The following OR4D9 variants were observed in gnomAD, a reference collection of about 807,000 sequenced individuals.
OR4D9 encodes olfactory receptor family 4 subfamily D member 9.
OR4D9 carries 2 observed loss-of-function variants against 0.8 expected under a neutral mutation model. That is an observed-to-expected ratio of 2.58 (90% CI 1.06 to 8.13). The LOEUF (loss-of-function observed/expected upper bound fraction) is 8.13, where lower values mean the gene tolerates loss of function less well. OR4D9 is among the 30% of genes most tolerant of loss of function. The pLI is 0.04. For synonymous variants in OR4D9, 146 were observed against 151.2 expected (o/e 0.97, Z 0.25); for missense variants, 399 against 384.7 (o/e 1.04, Z -0.31).
At chr11:59,512,300 CTTTT>C (rs71036528) in intron 1 of OR4D9, among the ~76,000 whole-genome samples, 6 of 125,496 alleles carry the variant, frequency 4.8e-5, no homozygotes, top group Non-Finnish European at 9.8e-5. Flanking sequence ...TTTCTTTTTT[CTTTT>C]TTTTTTTTTT....
chr11:59,512,274 C>G (rs554874578), intron 1 of OR4D9, among the ~76,000 whole-genome samples: 4 of 150,734 alleles, frequency 2.7e-5, no homozygotes, highest in Non-Finnish European at 5.9e-5. Context: ...GAAGGGTCCC[C>G]TTTGGGATGA....
chr11:59,518,327 G>T lies in OR4D9; in HGVS notation c.*2470G>T, dbSNP rs1859431012. The T allele has an allele frequency of 6.6e-6, 1 of 152,210 alleles. No individual in the cohort carries two copies. 9.4% of individuals were successfully genotyped at this position (152,210 alleles called of 1,614,324 possible). A position where few individuals can be genotyped will look rare whatever the true frequency, so the allele number is the denominator to read the frequency against. ...CAACAAAAGTTTACTTCTTGCTCAT[G>T]TCACAGGCCAATGCTGGTCTGCAGA... is the stretch of plus-strand genomic sequence containing the variant. On this transcript the variant is annotated 3_prime_UTR_variant, in exon 3 of 3. Transcript: ENST00000641962.
At position 59,515,113 on chromosome 11, in the gene OR4D9, T is replaced by C. The variant is rs775246025; in HGVS notation, c.201T>C (p.Ser67=). 2 of 1,614,060 alleles carry C rather than the reference T, an allele frequency of 1.2e-6. No homozygotes were observed. Among genetic ancestry groups the C allele is most frequent in the African/African-American group, 2.7e-5 (2 of 74,924 alleles). ...TPMYFLLRNL[S]ILDICFSSIT... is the part of the protein sequence containing the mutation. The stretch of plus-strand genomic sequence containing the variant: ...TGTACTTCCTGCTCCGCAACCTGTC[T>C]ATTCTTGACATCTGCTTTTCCTCCA... The change falls in exon 3 of 3, where the codon TCT becomes TCC. Residue 67 remains serine (S), a synonymous_variant. Transcript: ENST00000641962.
In OR4D9 at chr11:59,515,055, C is replaced by T. The variant is rs763533324; in HGVS notation, c.143C>T (p.Thr48Ile). Residue 48 changes from threonine (T) to isoleucine (I), a missense_variant, in exon 3 of 3, where the codon ACA becomes ATA. Physicochemically the swap from Thr to Ile is moderately conservative, Grantham distance 89. Coordinates refer to ENST00000641962, the MANE Select transcript of OR4D9 (RefSeq NM_001004711.2). ...ATGGGAAACTTCCTCATCATGGTTACAGTTACCTGTGAATCTCACCTTCAT... is the reference window on the plus strand; with the variant it reads ...ATGGGAAACTTCCTCATCATGGTTATAGTTACCTGTGAATCTCACCTTCAT... ...TLMGNFLIMV[T>I]VTCESHLHTP... 13 of 1,614,022 alleles carry T rather than the reference C, an allele frequency of 8.1e-6. No individual in the cohort carries two copies. The Admixed American group carries it at 1.2e-4, about 14-fold the overall frequency.
Position 59,515,496 on chromosome 11 carries a change from T to C in OR4D9, c.584T>C (p.Leu195Pro), listed in dbSNP as rs764786904. The C allele has an allele frequency of 6.2e-7, 1 of 1,614,226 alleles. No homozygotes were observed. Among genetic ancestry groups the C allele is most frequent in the South Asian group, 1.1e-5 (1 of 91,078 alleles). The change falls in exon 3 of 3, where the codon CTG becomes CCG. Residue 195 changes from leucine to proline, a missense_variant. Leu to Pro is a moderately conservative substitution (Grantham distance 98). Transcript: ENST00000641962. Reference sequence around the variant, plus strand: ...CTTGCCTGCACTGACACCTTCACTCTGGAGCTCCTGATGATTTCAAATAAT... The same window carrying C: ...CTTGCCTGCACTGACACCTTCACTCCGGAGCTCCTGATGATTTCAAATAAT... ...LKLACTDTFT[L>P]ELLMISNNGL...
Position 59,516,764 on chromosome 11 carries a change from TA to T in OR4D9, c.*908del, listed in dbSNP as rs2134587767. The stretch of plus-strand genomic sequence containing the variant: ...GGGCAACTTAGTGAAACCTCATCTC[TA>T]CAAAAAATCATGATAATAGGCCGGG... On this transcript the variant is annotated 3_prime_UTR_variant, in exon 3 of 3. Transcript: ENST00000641962. 2 of 151,210 alleles carry T rather than the reference TA, an allele frequency of 1.3e-5. No individual in the cohort carries two copies. Among genetic ancestry groups the T allele is most frequent in the South Asian group, 4.2e-4 (2 of 4,756 alleles). The allele number at this position is 151,210 out of a possible 1,614,324, so 9.4% of individuals were successfully genotyped here.
At position 59,515,150 on chromosome 11, in the gene OR4D9, A is replaced by G; in HGVS notation, c.238A>G (p.Lys80Glu). The change falls in exon 3 of 3, where the codon AAG becomes GAG. Residue 80 changes from lysine to glutamate, a missense_variant. Physicochemically the swap from Lys to Glu is moderately conservative, Grantham distance 56. Transcript: ENST00000641962. ...CTGCTTTTCCTCCATCACAGCTCCT[A>G]AGGTCCTGATAGATCTTCTATCAGA... is the stretch of plus-strand genomic sequence containing the variant. ...DICFSSITAP[K>E]VLIDLLSETK... is the part of the protein sequence containing the mutation. 1 of 1,614,050 alleles carries G rather than the reference A, an allele frequency of 6.2e-7. No individual in the cohort carries two copies. Among genetic ancestry groups the G allele is most frequent in the Non-Finnish European group, 8.5e-7 (1 of 1,179,988 alleles).
rs1210580763 is a variant in OR4D9, at chr11:59,519,613, A to G, written c.*3756A>G. The stretch of plus-strand genomic sequence containing the variant: ...AGAAAGCAACTCTCACTTATTCCCA[A>G]ACTTTTCATGGGCTTGTTGTAAACA... On this transcript the variant is annotated 3_prime_UTR_variant, in exon 3 of 3. Transcript: ENST00000641962. 6.6e-6 allele frequency: 1 copy of G among 152,174 alleles called. No homozygotes were observed. Among genetic ancestry groups the G allele is most frequent in the Admixed American group, 6.6e-5 (1 of 15,264 alleles). 9.4% of individuals were successfully genotyped at this position (152,174 alleles called of 1,614,324 possible). A position where few individuals can be genotyped will look rare whatever the true frequency, so the allele number is the denominator to read the frequency against.
In OR4D9 at chr11:59,520,493, G is replaced by A. The variant is rs940383098; in HGVS notation, c.*4636G>A. 2 of 149,802 alleles carry A rather than the reference G, an allele frequency of 1.3e-5. No homozygotes were observed. The highest frequency in any genetic ancestry group is 4.9e-5 in the African/African-American group (2 of 40,728). 9.3% of individuals were successfully genotyped at this position (149,802 alleles called of 1,614,324 possible). ...GGGGAGGGGGGAGGGATAGCATTAGGAGATATACCTAATGCTAAATGACGA... is the reference window on the plus strand; with the variant it reads ...GGGGAGGGGGGAGGGATAGCATTAGAAGATATACCTAATGCTAAATGACGA... On this transcript the variant is annotated 3_prime_UTR_variant, in exon 3 of 3. Coordinates refer to ENST00000641962, the MANE Select transcript of OR4D9 (RefSeq NM_001004711.2).
rs1481390384 is a variant in OR4D9 at position 59,520,336 on chromosome 11, TGAC to T, written c.*4480_*4482del. On this transcript the variant is annotated 3_prime_UTR_variant, in exon 3 of 3. Coordinates refer to ENST00000641962, the MANE Select transcript of OR4D9 (RefSeq NM_001004711.2). Reference sequence around the variant, plus strand: ...AATCAATGTTATCTTCTTTGCTGATTGACATTTCCTGTGTTCTATTTCTACCAC... The same window carrying T: ...AATCAATGTTATCTTCTTTGCTGATTATTTCCTGTGTTCTATTTCTACCAC... 6.6e-6 allele frequency: 1 copy of T among 151,586 alleles called. No individual in the cohort carries two copies. Among genetic ancestry groups the T allele is most frequent in the Non-Finnish European group, 1.5e-5 (1 of 67,950 alleles). 9.4% of individuals were successfully genotyped at this position (151,586 alleles called of 1,614,324 possible). A position where few individuals can be genotyped will look rare whatever the true frequency, so the allele number is the denominator to read the frequency against.
chr11:59,511,709 C>T lies in OR4D9; in HGVS notation c.-162C>T, dbSNP rs1388334629. 6.6e-6 allele frequency: 1 copy of T among 152,138 alleles called. No homozygotes were observed. The highest frequency in any genetic ancestry group is 1.9e-4 in the East Asian group (1 of 5,202). 9.4% of individuals were successfully genotyped at this position (152,138 alleles called of 1,614,324 possible). On this transcript the variant is annotated 5_prime_UTR_variant, in exon 1 of 3. Transcript: ENST00000641962. The stretch of plus-strand genomic sequence containing the variant: ...AATGCTGCAAATGTGTAGAATGTTC[C>T]TATGGAAGTCAAGACTCTTAAGAAG...
Position 59,517,818 on chromosome 11 carries a change from G to GA in OR4D9, c.*1962dup, listed in dbSNP as rs1859424582. ...TGCACTCCAGCCTGGGCGACAGAGC[G>GA]AGACTCCAACTCAAAAAAAAAAAAG... is the stretch of plus-strand genomic sequence containing the variant. On this transcript the variant is annotated 3_prime_UTR_variant, in exon 3 of 3. Transcript: ENST00000641962. 1 of 151,564 alleles carries GA rather than the reference G, an allele frequency of 6.6e-6. No individual in the cohort carries two copies. The highest frequency in any genetic ancestry group is 1.5e-5 in the Non-Finnish European group (1 of 68,000). The allele number at this position is 151,564 out of a possible 1,614,324, so 9.4% of individuals were successfully genotyped here. A position where few individuals can be genotyped will look rare whatever the true frequency, so the allele number is the denominator to read the frequency against.
Position 59,518,217 on chromosome 11 carries a change from C to T in OR4D9, c.*2360C>T, listed in dbSNP as rs893553907. 6.6e-6 allele frequency: 1 copy of T among 152,252 alleles called. No homozygotes were observed. The highest frequency in any genetic ancestry group is 1.5e-5 in the Non-Finnish European group (1 of 68,058). The allele number at this position is 152,252 out of a possible 1,614,324, so 9.4% of individuals were successfully genotyped here. ...CTGTGTTCCCCACTATGATAAAGCT[C>T]AAGCCATAGCAGCTGGCACACATTT... On this transcript the variant is annotated 3_prime_UTR_variant, in exon 3 of 3. Transcript: ENST00000641962.
At position 59,515,919 on chromosome 11, in the gene OR4D9, G is replaced by A. The variant is rs1161507788; in HGVS notation, c.*62G>A. 2 of 1,275,128 alleles carry A rather than the reference G, an allele frequency of 1.6e-6. No homozygotes were observed. Among genetic ancestry groups the A allele is most frequent in the South Asian group, 1.5e-5 (1 of 66,394 alleles). 79.0% of individuals were successfully genotyped at this position (1,275,128 alleles called of 1,614,324 possible). A position where few individuals can be genotyped will look rare whatever the true frequency, so the allele number is the denominator to read the frequency against. On this transcript the variant is annotated 3_prime_UTR_variant, in exon 3 of 3. Coordinates refer to ENST00000641962, the MANE Select transcript of OR4D9 (RefSeq NM_001004711.2). ...AATTTCACTTTCTCAAAATGGGAAA[G>A]GAGCTTGTTCATGCCCAAAACAAAG...
intron 1 of OR4D9, among the ~76,000 whole-genome samples, chr11:59,512,112 G>A (rs1019891082): frequency 6.6e-6 from 1 of 151,942 alleles, no homozygotes; most frequent in African/African-American, 2.4e-5. Context: ...TTTCAAAATT[G>A]GAAAATAGAA....
intron 1 of OR4D9, among the ~76,000 whole-genome samples, chr11:59,512,523 A>G (rs890446117): frequency 1.3e-5 from 2 of 151,742 alleles, no homozygotes; most frequent in Non-Finnish European, 2.9e-5. Flanking sequence ...GTGAGTAAAA[A>G]ATAAAACGGT....
Position 59,515,824 on chromosome 11 carries a change from G to T in OR4D9, c.912G>T (p.Arg304=). ...TGGCCATGAGGAAACTGAAGAGACG[G>T]CTAGGACAATCAGAAAGGATTTTAA... ...MKLAMRKLKR[R]LGQSERILIQ Residue 304 remains arginine (R), a synonymous_variant, in exon 3 of 3, where the codon CGG becomes CGT. Coordinates refer to ENST00000641962, the MANE Select transcript of OR4D9 (RefSeq NM_001004711.2). The T allele has an allele frequency of 6.2e-7, 1 of 1,613,602 alleles. No individual in the cohort carries two copies. Among genetic ancestry groups the T allele is most frequent in the African/African-American group, 1.3e-5 (1 of 75,018 alleles).
rs933414779 is a variant in OR4D9, at chr11:59,516,167, A to G, written c.*310A>G. The G allele has an allele frequency of 8.5e-6, 2 of 234,668 alleles. No individual in the cohort carries two copies. Among genetic ancestry groups the G allele is most frequent in the Non-Finnish European group, 1.7e-5 (2 of 120,590 alleles). The allele number at this position is 234,668 out of a possible 1,614,324, so 14.5% of individuals were successfully genotyped here. On this transcript the variant is annotated 3_prime_UTR_variant, in exon 3 of 3. Coordinates refer to ENST00000641962, the MANE Select transcript of OR4D9 (RefSeq NM_001004711.2). Reference sequence around the variant, plus strand: ...TAAATGTAGTCACCTTCCTGGAGGCATAACCCAAAATACTTATTAAAAAAT... The same window carrying G: ...TAAATGTAGTCACCTTCCTGGAGGCGTAACCCAAAATACTTATTAAAAAAT...
Position 59,515,439 on chromosome 11 carries a change from C to CT in OR4D9, c.530dup (p.Tyr178LeufsTer14), listed in dbSNP as rs1299160785. On this transcript the variant is annotated frameshift_variant, in exon 3 of 3. Coordinates refer to ENST00000641962, the MANE Select transcript of OR4D9 (RefSeq NM_001004711.2). LOFTEE classifies it low-confidence loss of function (END_TRUNC). ...TTCTGTGGACCCAATGTTCTTGACA[C>CT]TTTCTACTGCGATGTCCCCCAGGTC... The CT allele has an allele frequency of 5.6e-6, 9 of 1,614,096 alleles. No individual in the cohort carries two copies. The East Asian group carries it at 2.0e-4, about 36-fold the overall frequency.
Sources: allele counts gnomAD v4.1 joint callset (sites outside exome capture counted in the v4.1 genomes callset), GRCh38; gene constraint gnomAD v4.1.1; transcripts MANE v1.5; gene names NCBI Gene and HGNC (gene_info 2026-07-23, HGNC 2026-07-21).